Variants in BICC1 observed in about 807,000 individuals in gnomAD.
BICC1 encodes the protein BicC family RNA binding protein 1.
BICC1 carries 43 observed loss-of-function variants against 111.0 expected under a neutral mutation model. The ratio of observed to expected loss-of-function variants is 0.39; its 90% CI spans 0.30 to 0.50. The LOEUF is 0.50. Among genes scored for constraint, BICC1 ranks in the 20% least tolerant of loss-of-function variants. The pLI is 0.88. For missense variants in BICC1, 1,091 were observed against 1,203.2 expected (o/e 0.91, Z 1.38); for synonymous variants, 467 against 434.4 (o/e 1.07, Z -0.93).
chr10:58,816,756 T>TGTGTG (rs1262262173), intron 18 of BICC1, among the ~76,000 whole-genome samples: 1 of 143,508 alleles, frequency 7.0e-6, no homozygotes, highest in Non-Finnish European at 1.5e-5. Context: ...TGTGTGTGTG[T>TGTGTG]GTGTGTGTGT....
rs769347169 is a variant in BICC1, at chr10:58,800,316, C to T, written c.1848C>T (p.Ser616=). The part of the protein sequence containing the change: ...SGSEQTSPKS[S]PTEGCNDAFV... ...CTGAGCAGACATCTCCCAAATCAAGCCCCACTGAAGGTCGGGAACTGTACC... is the reference window on the plus strand; with the variant it reads ...CTGAGCAGACATCTCCCAAATCAAGTCCCACTGAAGGTCGGGAACTGTACC... The change falls in exon 13 of 21, where the codon AGC becomes AGT. Residue 616 remains serine, a synonymous_variant. Transcript: ENST00000373886. The T allele has an allele frequency of 6.2e-7, 1 of 1,613,268 alleles. No individual in the cohort carries two copies. Among genetic ancestry groups the T allele is most frequent in the Non-Finnish European group, 8.5e-7 (1 of 1,179,664 alleles).
At chr10:58,648,520 T>A in intron 2 of BICC1, 1 of 985,294 alleles carries the variant, frequency 1.0e-6, no homozygotes, top group Non-Finnish European at 1.2e-6. Flanking sequence ...CTTAGTGTAT[T>A]CCTATAAATA....
At chr10:58,623,790 G>A (rs1845900966) in intron 2 of BICC1, among the ~76,000 whole-genome samples, 1 of 152,078 alleles carries the variant, frequency 6.6e-6, no homozygotes, top group Non-Finnish European at 1.5e-5. Context: ...TGGTTGTAAC[G>A]CCCAGGCCTG....
chr10:58,594,468 C>G (rs1281634500), intron 1 of BICC1, among the ~76,000 whole-genome samples: 7 of 152,046 alleles, frequency 4.6e-5, no homozygotes, highest in African/African-American at 1.7e-4. Flanking sequence ...TTAAGGGCAG[C>G]CAGAGAGAAA....
chr10:58,734,446 A>G (rs1299289921), intron 3 of BICC1, among the ~76,000 whole-genome samples: 4 of 152,242 alleles, frequency 2.6e-5, no homozygotes, highest in South Asian at 2.1e-4. Context: ...CCAAGTGTCC[A>G]TATGAGCTCG....
At chr10:58,776,579 G>A (rs1158406827) in intron 3 of BICC1, among the ~76,000 whole-genome samples, 1 of 152,150 alleles carries the variant, frequency 6.6e-6, no homozygotes, top group Admixed American at 6.5e-5. Context: ...CATTGCCATT[G>A]CAGAGGGCTG....
intron 1 of BICC1, among the ~76,000 whole-genome samples, chr10:58,568,193 G>C (rs1223918963): frequency 6.6e-6 from 1 of 152,104 alleles, no homozygotes; most frequent in Non-Finnish European, 1.5e-5. Flanking sequence ...CAGAGGTCTT[G>C]AGCACACTGC....
chr10:58,819,184 T>C (rs1035603357), intron 19 of BICC1, among the ~76,000 whole-genome samples: 2 of 152,258 alleles, frequency 1.3e-5, no homozygotes, highest in East Asian at 3.9e-4. Flanking sequence ...AACACTGACA[T>C]TGTGGCCCAC....
chr10:58,688,525 AC>A (rs1480498185), intron 2 of BICC1, among the ~76,000 whole-genome samples: 1 of 152,162 alleles, frequency 6.6e-6, no homozygotes, highest in African/African-American at 2.4e-5. Context: ...CAATCTCATT[AC>A]TGGGTATATA....
At chr10:58,566,845 C>T (rs1174084212) in intron 1 of BICC1, among the ~76,000 whole-genome samples, 1 of 152,050 alleles carries the variant, frequency 6.6e-6, no homozygotes, top group East Asian at 1.9e-4. Flanking sequence ...GTGCATTCTT[C>T]TGTTATTCAC....
At chr10:58,701,279 A>G (rs997272136) in intron 2 of BICC1, among the ~76,000 whole-genome samples, 2 of 152,182 alleles carry the variant, frequency 1.3e-5, no homozygotes, top group Non-Finnish European at 2.9e-5. Context: ...GGTTAATTCT[A>G]TGTTTGTCTT....
In BICC1 at chr10:58,798,487, G is replaced by A. The variant is rs953687040; in HGVS notation, c.1455G>A (p.Leu485=). 2 of 1,613,066 alleles carry A rather than the reference G, an allele frequency of 1.2e-6. No individual in the cohort carries two copies. Among genetic ancestry groups the A allele is most frequent in the East Asian group, 2.2e-5 (1 of 44,800 alleles). The change falls in exon 11 of 21, where the codon TTG becomes TTA. Residue 485 remains leucine, a synonymous_variant. Coordinates refer to ENST00000373886, the MANE Select transcript of BICC1 (RefSeq NM_001080512.3). ...LNALNSSVSP[L]QSPSSGTPSP... ...CTCTTAATAGCTCAGTCAGTCCTTT[G>A]CAAAGTCCAAGTTCTGGTACACCCA...
At chr10:58,551,144 T>G (rs72800551) in intron 1 of BICC1, among the ~76,000 whole-genome samples, 6,938 of 152,192 alleles carry the variant, frequency 0.046, 242 homozygotes, top group South Asian at 0.077. Flanking sequence ...AAAGCAGGGC[T>G]TTTAAAATTT....
At chr10:58,697,590 C>T (rs527824699) in intron 2 of BICC1, among the ~76,000 whole-genome samples, 1 of 152,252 alleles carries the variant, frequency 6.6e-6, no homozygotes, top group South Asian at 2.1e-4. Flanking sequence ...CTAGCCTTAC[C>T]TTTTCCAGTT....
intron 1 of BICC1, among the ~76,000 whole-genome samples, chr10:58,564,961 CT>C (rs1843712107): frequency 6.6e-6 from 1 of 151,970 alleles, no homozygotes; most frequent in African/African-American, 2.4e-5. Context: ...TATGACGTCC[CT>C]TTTTTTAAAA....
rs1458841489 is a variant in BICC1, at chr10:58,817,650, A to G, written c.2622A>G (p.Lys874=). Residue 874 remains lysine, a synonymous_variant, in exon 19 of 21, where the codon AAA becomes AAG. Coordinates refer to ENST00000373886, the MANE Select transcript of BICC1 (RefSeq NM_001080512.3). ...SNGCNLNSSF[K]GSDLPELFSK... ...GCTGTAACTTAAATAGCTCTTTCAA[A>G]GGTTCTGACCTCCCTGAGCTCTTCA... 2 of 1,613,534 alleles carry G rather than the reference A, an allele frequency of 1.2e-6. No individual in the cohort carries two copies. The highest frequency in any genetic ancestry group is 1.7e-6 in the Non-Finnish European group (2 of 1,179,644).
chr10:58,609,000 A>G (rs1845326611), intron 1 of BICC1, among the ~76,000 whole-genome samples: 1 of 152,222 alleles, frequency 6.6e-6, no homozygotes, highest in South Asian at 2.1e-4. Context: ...TCTGCATATA[A>G]CCTGAACTTT....
At chr10:58,553,255 A>C (rs1213238727) in intron 1 of BICC1, among the ~76,000 whole-genome samples, 1 of 152,160 alleles carries the variant, frequency 6.6e-6, no homozygotes, top group Admixed American at 6.6e-5. Context: ...AGCTGTCCTT[A>C]AAGAGGTTAG....
intron 3 of BICC1, among the ~76,000 whole-genome samples, chr10:58,783,955 G>T (rs2132780423): frequency 6.6e-6 from 1 of 152,208 alleles, no homozygotes; most frequent in Non-Finnish European, 1.5e-5. Context: ...AAGGAGGCTA[G>T]TCCCCACCCT....
Sources: gnomAD v4.1 joint callset for allele counts (sites outside exome capture counted in the v4.1 genomes callset) on GRCh38, gnomAD v4.1.1 for gene constraint, MANE v1.5 for transcripts, NCBI Gene and HGNC (gene_info 2026-07-23, HGNC 2026-07-21) for gene names.